The following ULK4 variants were observed in gnomAD, a reference collection of about 807,000 sequenced individuals.
ULK4 encodes the protein inactive serine/threonine-protein kinase ULK4.
A neutral mutation model predicts 160.6 loss-of-function variants in ULK4; 133 were observed. The ratio of observed to expected loss-of-function variants is 0.83; its 90% confidence interval spans 0.72 to 0.96. The LOEUF (loss-of-function observed/expected upper bound fraction) is 0.96. Among genes scored for constraint, ULK4 ranks in the 40% least tolerant of loss-of-function variants. ULK4 has a pLI of 0.00. For synonymous variants in ULK4, 534 were observed against 539.8 expected (o/e 0.99, Z 0.15); for missense variants, 1,580 against 1,499.5 (o/e 1.05, Z -0.89).
chr3:41,850,057 T>C (rs1014858672), intron 17 of ULK4, among the ~76,000 whole-genome samples: 9 of 152,100 alleles, frequency 5.9e-5, no homozygotes, highest in Admixed American at 3.9e-4. Context: ...TGAGAACATG[T>C]GGTGTTTGGT....
intron 20 of ULK4, among the ~76,000 whole-genome samples, chr3:41,795,530 T>C (rs1197202610): frequency 2.6e-5 from 4 of 152,292 alleles, no homozygotes; most frequent in South Asian, 2.1e-4. Context: ...TAGTCCTAGA[T>C]TTCAAGGAGT....
intron 22 of ULK4, among the ~76,000 whole-genome samples, chr3:41,727,199 C>A (rs1349315133): frequency 6.6e-6 from 1 of 151,932 alleles, no homozygotes; most frequent in Non-Finnish European, 1.5e-5. Flanking sequence ...CTCAGCAAGT[C>A]CTATGCCTAA....
chr3:41,339,777 G>A (rs1200771132), intron 35 of ULK4, among the ~76,000 whole-genome samples: 2 of 152,206 alleles, frequency 1.3e-5, no homozygotes, highest in Non-Finnish European at 2.9e-5. Context: ...CCTTTCTAAA[G>A]ACAGCAGCTT....
chr3:41,535,951 G>A (rs532400793), intron 32 of ULK4, among the ~76,000 whole-genome samples: 2 of 152,168 alleles, frequency 1.3e-5, no homozygotes, highest in South Asian at 4.2e-4. Context: ...AAGACCATCT[G>A]GACTCATCAT....
chr3:41,338,314 T>G (rs773149719), intron 35 of ULK4, among the ~76,000 whole-genome samples: 2 of 152,168 alleles, frequency 1.3e-5, no homozygotes. Flanking sequence ...TTCTGTGTAA[T>G]TGAGCCCTCA....
intron 31 of ULK4, among the ~76,000 whole-genome samples, chr3:41,602,338 GGA>G (rs2032143547): frequency 6.9e-6 from 1 of 145,468 alleles, no homozygotes; most frequent in East Asian, 2.0e-4. Flanking sequence ...GGAAAGGAAA[GGA>G]GGAAGGGAAA....
At chr3:41,528,169 A>T (rs986422816) in intron 32 of ULK4, among the ~76,000 whole-genome samples, 7 of 152,210 alleles carry the variant, frequency 4.6e-5, no homozygotes, top group African/African-American at 1.7e-4. Context: ...CAGGACACAG[A>T]AATAACCAGA....
chr3:41,926,092 C>T (rs1699375801), intron 5 of ULK4, among the ~76,000 whole-genome samples: 1 of 152,150 alleles, frequency 6.6e-6, no homozygotes, highest in Non-Finnish European at 1.5e-5. Context: ...ACACCTCATA[C>T]AGGAAAGCTC....
intron 30 of ULK4, among the ~76,000 whole-genome samples, chr3:41,626,360 A>C (rs1026370592): frequency 2.6e-5 from 4 of 152,226 alleles, no homozygotes; most frequent in Admixed American, 2.6e-4. Context: ...ATTTAAATAA[A>C]CTATGTATTT....
chr3:41,929,163 C>A (rs1211943688), intron 5 of ULK4, among the ~76,000 whole-genome samples: 10 of 152,110 alleles, frequency 6.6e-5, no homozygotes, highest in African/African-American at 2.4e-4. Context: ...CAGCTTCATC[C>A]CTGGGATGCA....
chr3:41,801,532 T>A (rs1277629175), intron 19 of ULK4, among the ~76,000 whole-genome samples: 6 of 142,764 alleles, frequency 4.2e-5, no homozygotes, highest in Non-Finnish European at 6.1e-5. Context: ...CAGACTGCTT[T>A]AAAAAAAAAA....
At chr3:41,361,942 T>C (rs928357105) in intron 35 of ULK4, among the ~76,000 whole-genome samples, 3 of 152,190 alleles carry the variant, frequency 2.0e-5, no homozygotes, top group Admixed American at 2.0e-4. Flanking sequence ...GTTTATAATA[T>C]CATGTGGGTC....
intron 35 of ULK4, among the ~76,000 whole-genome samples, chr3:41,332,083 G>C (rs940878529): frequency 6.6e-5 from 10 of 152,014 alleles, no homozygotes; most frequent in African/African-American, 2.4e-4. Context: ...TAGATCTTGG[G>C]ATGTCCAATC....
chr3:41,857,147 C>T (rs542481172), intron 17 of ULK4, among the ~76,000 whole-genome samples: 18 of 152,240 alleles, frequency 1.2e-4, no homozygotes, highest in African/African-American at 3.9e-4. Context: ...ATAAACTAGG[C>T]TGACTAACTT....
At chr3:41,951,118 C>A (rs73071239) in intron 2 of ULK4, among the ~76,000 whole-genome samples, 17,487 of 123,410 alleles carry the variant, frequency 0.14, 1,271 homozygotes, top group Middle Eastern at 0.4. Context: ...GCACTCCAGC[C>A]TGGAGGACAG....
intron 16 of ULK4, among the ~76,000 whole-genome samples, chr3:41,890,731 A>AC (rs1553682356): frequency 1.3e-5 from 1 of 74,634 alleles, no homozygotes; most frequent in Non-Finnish European, 2.7e-5. Flanking sequence ...GACGGGAGGG[A>AC]AGGAAGGGAC....
intron 22 of ULK4, among the ~76,000 whole-genome samples, chr3:41,742,605 G>C (rs752348222): frequency 6.6e-6 from 1 of 151,758 alleles, no homozygotes; most frequent in Non-Finnish European, 1.5e-5. Flanking sequence ...CAAGAAAATC[G>C]CATGAATCAA....
intron 32 of ULK4, among the ~76,000 whole-genome samples, chr3:41,524,953 A>C (rs1559673762): frequency 6.6e-6 from 1 of 152,100 alleles, no homozygotes; most frequent in East Asian, 1.9e-4. Context: ...GAACAAACAA[A>C]AAACAAACAA....
intron 35 of ULK4, among the ~76,000 whole-genome samples, chr3:41,307,691 G>C (rs532817514): frequency 6.6e-6 from 1 of 152,052 alleles, no homozygotes; most frequent in South Asian, 2.1e-4. Flanking sequence ...TCAGCTGGGC[G>C]TGGTTGCAAG....
Sources: gnomAD v4.1 joint callset for allele counts (sites outside exome capture counted in the v4.1 genomes callset) on GRCh38, gnomAD v4.1.1 for gene constraint, MANE v1.5 for transcripts, NCBI Gene and HGNC (gene_info 2026-07-23, HGNC 2026-07-21) for gene names.